FBXO22: variants seen among roughly 807,000 people sequenced by gnomAD.
The protein encoded by FBXO22 is F-box only protein 22.
In FBXO22, 13 loss-of-function variants were observed where a neutral mutation model predicts 37.2. The ratio of observed to expected loss-of-function variants is 0.35; its 90% CI spans 0.23 to 0.56. The LOEUF is 0.56. Ranked by LOEUF, FBXO22 falls within the 20% of genes least tolerant of loss-of-function variation. The pLI is 0.87. For synonymous variants in FBXO22, 189 were observed against 189.1 expected (o/e 1.00, Z 0.00); for missense variants, 446 against 509.9 (o/e 0.87, Z 1.21).
chr15:75,938,287 T>TA lies in FBXO22; in HGVS notation c.*5192dup, dbSNP rs913164492. ...ACAAATGGATGACAGCTTTTAAAAA[T>TA]AAAAAAACAATGAACCAGAAAACCG... On this transcript the variant is annotated 3_prime_UTR_variant, in exon 7 of 7. Transcript: ENST00000308275. The TA allele has an allele frequency of 2.6e-5, 4 of 151,642 alleles. No homozygotes were observed. The highest frequency in any genetic ancestry group is 2.1e-4 in the South Asian group (1 of 4,796). 9.4% of individuals were successfully genotyped at this position (151,642 alleles called of 1,614,324 possible).
chr15:75,941,951 A>AC lies in FBXO22; in HGVS notation c.*8849_*8850insC, dbSNP rs1416687697. Reference sequence around the variant, plus strand: ...AATTTTTAAACCACCAAAAAAAAAAAAAAAAAAAAATATGGCCTAGCTTTT... The same window carrying AC: ...AATTTTTAAACCACCAAAAAAAAAAACAAAAAAAAAATATGGCCTAGCTTTT... On this transcript the variant is annotated 3_prime_UTR_variant, in exon 7 of 7. Transcript: ENST00000308275. 5 of 118,282 alleles carry AC rather than the reference A, an allele frequency of 4.2e-5. No homozygotes were observed. The highest frequency in any genetic ancestry group is 2.4e-4 in the East Asian group (1 of 4,248). The allele number at this position is 118,282 out of a possible 1,614,324, so 7.3% of individuals were successfully genotyped here.
chr15:75,928,754 CTA>C (rs1019861121), intron 5 of FBXO22, among the ~76,000 whole-genome samples: 3 of 152,116 alleles, frequency 2.0e-5, no homozygotes, highest in African/African-American at 7.2e-5. Flanking sequence ...AATTGATAGT[CTA>C]TAAACAAGCT....
chr15:75,912,586 G>A (rs1900084896), intron 2 of FBXO22, among the ~76,000 whole-genome samples: 3 of 152,228 alleles, frequency 2.0e-5, no homozygotes, highest in African/African-American at 7.2e-5. Flanking sequence ...TCTGATGGTA[G>A]TCTGTATTTC....
At chr15:75,932,548 C>G in intron 6 of FBXO22, 137 bp from the exon 7 acceptor site, 2 of 766,448 alleles carry the variant, frequency 2.6e-6, no homozygotes, top group South Asian at 3.7e-5. Context: ...ATTTTACTCA[C>G]CTATGAGGGT....
chr15:75,918,214 G>A (rs551515555), intron 5 of FBXO22, among the ~76,000 whole-genome samples: 2 of 152,036 alleles, frequency 1.3e-5, no homozygotes, highest in South Asian at 4.2e-4. Flanking sequence ...TAAACCAGCT[G>A]GAGTAAAAAA....
chr15:75,929,889 T>C lies in FBXO22; in HGVS notation c.634T>C (p.Leu212=). Residue 212 remains leucine (L), a synonymous_variant, in exon 6 of 7, where the codon TTA becomes CTA. Transcript: ENST00000308275. ...TGCTCTTCATTTCTCTGCAGGTCTT[T>C]TAGATAACCCTGAACTTCGTGTGGT... ...ERHQLTEVGL[L]DNPELRVVLV... 6.2e-7 allele frequency: 1 copy of C among 1,614,068 alleles called. No individual in the cohort carries two copies. Among genetic ancestry groups the C allele is most frequent in the Non-Finnish European group, 8.5e-7 (1 of 1,179,942 alleles).
chr15:75,926,242 A>G (rs1900437922), intron 5 of FBXO22, among the ~76,000 whole-genome samples: 3 of 152,136 alleles, frequency 2.0e-5, no homozygotes, highest in South Asian at 2.1e-4. Context: ...TCCTTTACCT[A>G]TGAATTGGGG....
chr15:75,925,675 T>TA (rs371276673), intron 5 of FBXO22, among the ~76,000 whole-genome samples: 126,804 of 137,572 alleles, frequency 0.92, 58,742 homozygotes, highest in South Asian at 0.98. Context: ...AAGCTAGTGT[T>TA]AAAAAAAAAA....
At chr15:75,912,712 C>T (rs1427542968) in intron 2 of FBXO22, among the ~76,000 whole-genome samples, 1 of 152,146 alleles carries the variant, frequency 6.6e-6, no homozygotes, top group East Asian at 1.9e-4. Context: ...TTTCAAAAAA[C>T]CAGCTCCTGG....
rs1197547911 is a variant in FBXO22, at chr15:75,904,081, A to C, written c.118A>C (p.Lys40Gln). The change falls in exon 1 of 7, where the codon AAG (lysine) becomes CAG (glutamine). Residue 40 changes from lysine (K) to glutamine (Q), a missense_variant. Lys to Gln is a moderately conservative substitution (Grantham distance 53). Coordinates refer to ENST00000308275, the MANE Select transcript of FBXO22 (RefSeq NM_147188.3). ...GCGTGTGCTCACCTTCCTGCCCGCC[A>C]AGGCGTTGCTGCGGGTGGCCTGGTG... ...VERVLTFLPA[K>Q]ALLRVACVCR... 1.3e-6 allele frequency: 2 copies of C among 1,548,218 alleles called. No homozygotes were observed. Among genetic ancestry groups the C allele is most frequent in the Non-Finnish European group, 1.7e-6 (2 of 1,144,634 alleles).
intron 2 of FBXO22, among the ~76,000 whole-genome samples, chr15:75,906,847 G>A (rs1426141512): frequency 6.6e-6 from 1 of 151,972 alleles, no homozygotes; most frequent in Non-Finnish European, 1.5e-5. Flanking sequence ...TTTATAATAA[G>A]GGATACTAAA....
chr15:75,930,245 A>T (rs185986999), intron 6 of FBXO22, 196 bp downstream of exon 6: 169 of 1,431,356 alleles, frequency 1.2e-4, no homozygotes, highest in Non-Finnish European at 1.5e-4. Flanking sequence ...ACATTTTTAT[A>T]TATATTGTCC....
At position 75,938,040 on chromosome 15, in the gene FBXO22, C is replaced by G. The variant is rs1184731916; in HGVS notation, c.*4938C>G. On this transcript the variant is annotated 3_prime_UTR_variant, in exon 7 of 7. Transcript: ENST00000308275. ...ACACTTGCCCGGAAAGTTCTAAGACCCAAGCTTTCACCTTGGTCTGGTCCC... is the reference window on the plus strand; with the variant it reads ...ACACTTGCCCGGAAAGTTCTAAGACGCAAGCTTTCACCTTGGTCTGGTCCC... The G allele has an allele frequency of 3.3e-5, 5 of 152,160 alleles. No individual in the cohort carries two copies. The highest frequency in any genetic ancestry group is 1.2e-4 in the African/African-American group (5 of 41,416). The allele number at this position is 152,160 out of a possible 1,614,324, so 9.4% of individuals were successfully genotyped here.
chr15:75,940,558 T>C lies in FBXO22; in HGVS notation c.*7456T>C, dbSNP rs760796924. On this transcript the variant is annotated 3_prime_UTR_variant, in exon 7 of 7. Transcript: ENST00000308275. Reference sequence around the variant, plus strand: ...GTCAGTCTTGAGAAAGAAGAACAAATTGGAGGACTTAAACCTGCAGAGTTT... The same window carrying C: ...GTCAGTCTTGAGAAAGAAGAACAAACTGGAGGACTTAAACCTGCAGAGTTT... 6 of 150,794 alleles carry C rather than the reference T, an allele frequency of 4.0e-5. No individual in the cohort carries two copies. Among genetic ancestry groups the C allele is most frequent in the Non-Finnish European group, 7.4e-5 (5 of 67,734 alleles). The allele number at this position is 150,794 out of a possible 1,614,324, so 9.3% of individuals were successfully genotyped here.
chr15:75,930,335 T>C, intron 6 of FBXO22: 1 of 1,316,696 alleles, frequency 7.6e-7, no homozygotes, highest in Non-Finnish European at 9.7e-7. Flanking sequence ...TGTGGTACTC[T>C]GTGTGACCTC....
intron 2 of FBXO22, among the ~76,000 whole-genome samples, chr15:75,907,989 A>G (rs1899966283): frequency 6.6e-6 from 1 of 152,124 alleles, no homozygotes; most frequent in Non-Finnish European, 1.5e-5. Context: ...TTTATAAAAC[A>G]GCTTGCCATT....
rs2141746107 is a variant in FBXO22, at chr15:75,940,687, T to C, written c.*7585T>C. ...CTGGAGAACCTAGAAATAAACCCTC[T>C]CATATGTAGGTAAATGATTTTTGAC... On this transcript the variant is annotated 3_prime_UTR_variant, in exon 7 of 7. Coordinates refer to ENST00000308275, the MANE Select transcript of FBXO22 (RefSeq NM_147188.3). 1 of 152,214 alleles carries C rather than the reference T, an allele frequency of 6.6e-6. No individual in the cohort carries two copies. The highest frequency in any genetic ancestry group is 2.1e-4 in the South Asian group (1 of 4,826). The allele number at this position is 152,214 out of a possible 1,614,324, so 9.4% of individuals were successfully genotyped here.
In FBXO22 at chr15:75,903,929, C is replaced by T. The variant is rs370970944; in HGVS notation, c.-35C>T. 67 of 1,478,178 alleles carry T rather than the reference C, an allele frequency of 4.5e-5. No individual in the cohort carries two copies. The highest frequency in any genetic ancestry group is 5.5e-5 in the Non-Finnish European group (61 of 1,108,810). The allele number at this position is 1,478,178 out of a possible 1,614,324, so 91.6% of individuals were successfully genotyped here. A position where few individuals can be genotyped will look rare whatever the true frequency, so the allele number is the denominator to read the frequency against. ...GCTGGCGTAATCGGGTTCCTCCGAGCCGCCGTAGGACTGGTTCCGGCGGGC... is the reference window on the plus strand; with the variant it reads ...GCTGGCGTAATCGGGTTCCTCCGAGTCGCCGTAGGACTGGTTCCGGCGGGC... On this transcript the variant is annotated 5_prime_UTR_variant, in exon 1 of 7. Transcript: ENST00000308275.
chr15:75,929,599 T>G, intron 5 of FBXO22, among the ~76,000 whole-genome samples: 1 of 152,158 alleles, frequency 6.6e-6, no homozygotes, highest in Non-Finnish European at 1.5e-5. Flanking sequence ...TGCTTCATTA[T>G]TTGTGTTGAT....
Sources: gnomAD v4.1 joint callset for allele counts (sites outside exome capture counted in the v4.1 genomes callset) on GRCh38, gnomAD v4.1.1 for gene constraint, MANE v1.5 for transcripts, NCBI Gene and HGNC (gene_info 2026-07-23, HGNC 2026-07-21) for gene names.